The following RSU1 variants were observed in gnomAD, a reference collection of about 807,000 sequenced individuals.
RSU1 encodes the protein rsu-1.
In RSU1, 26 loss-of-function variants were observed where a neutral mutation model predicts 31.1. The ratio of observed to expected loss-of-function variants is 0.84; its 90% CI spans 0.61 to 1.16. RSU1 has a LOEUF of 1.16. Ranked by LOEUF, RSU1 falls within the 50% of genes most tolerant of loss-of-function variation. The pLI, the probability that RSU1 is intolerant of heterozygous loss-of-function variation, is 0.00. For missense variants in RSU1, 320 were observed against 339.1 expected (o/e 0.94, Z 0.44); for synonymous variants, 164 against 136.3 (o/e 1.20, Z -1.41).
chr10:16,663,150 T>C (rs776310829), intron 8 of RSU1, among the ~76,000 whole-genome samples: 31 of 152,130 alleles, frequency 2.0e-4, no homozygotes, highest in Non-Finnish European at 3.5e-4. Flanking sequence ...CAGATCTGTA[T>C]GCGCCATGAG....
intron 7 of RSU1, among the ~76,000 whole-genome samples, chr10:16,734,637 G>T (rs1348805918): frequency 2.0e-5 from 3 of 152,172 alleles, no homozygotes; most frequent in African/African-American, 7.2e-5. Context: ...AAGGTAACTT[G>T]ACTTATTGTT....
At chr10:16,615,704 T>C (rs1181618754) in intron 8 of RSU1, among the ~76,000 whole-genome samples, 1 of 152,146 alleles carries the variant, frequency 6.6e-6, no homozygotes, top group Non-Finnish European at 1.5e-5. Flanking sequence ...GCAATCAAAT[T>C]AGAACTTGGG....
At chr10:16,709,567 C>T (rs190634813) in intron 7 of RSU1, among the ~76,000 whole-genome samples, 5 of 152,286 alleles carry the variant, frequency 3.3e-5, no homozygotes, top group Non-Finnish European at 5.9e-5. Flanking sequence ...TGAGGAATCC[C>T]CACACTGACT....
intron 8 of RSU1, among the ~76,000 whole-genome samples, chr10:16,670,524 C>CAA (rs1207576358): frequency 2.0e-5 from 3 of 152,094 alleles, no homozygotes; most frequent in African/African-American, 7.2e-5. Flanking sequence ...GGTGACTAAT[C>CAA]AAAGCAGGGT....
At chr10:16,791,133 T>G (rs1837903817) in intron 2 of RSU1, among the ~76,000 whole-genome samples, 1 of 151,970 alleles carries the variant, frequency 6.6e-6, no homozygotes, top group Non-Finnish European at 1.5e-5. Context: ...TTCAAGCAAT[T>G]CTCGTGCCAC....
Position 16,782,287 on chromosome 10 carries a change from A to C in RSU1, c.110-203T>G, listed in dbSNP as rs188039597. On this transcript the variant is annotated intron_variant, in intron 2 of 8. Transcript: ENST00000345264. ...AGAAAAGGCATGCAACTAACGGTGC[A>C]ATTAGCTCAGCAAGTTAGAGCTAAT... 2.0e-5 allele frequency among the ~76,000 whole-genome samples: 3 copies of C among 152,346 alleles called. No homozygotes were observed. In the East Asian group the frequency reaches 5.8e-4, roughly 29 times the overall value.
At chr10:16,672,596 G>A (rs971283039) in intron 8 of RSU1, among the ~76,000 whole-genome samples, 2 of 147,764 alleles carry the variant, frequency 1.4e-5, no homozygotes, top group African/African-American at 5.1e-5. Flanking sequence ...TACTTATGCT[G>A]AATGAAAGGA....
intron 7 of RSU1, among the ~76,000 whole-genome samples, chr10:16,728,180 C>T (rs866597608): frequency 1.3e-5 from 2 of 152,198 alleles, no homozygotes; most frequent in Middle Eastern, 3.4e-3. Flanking sequence ...AAATAATGAG[C>T]GAGTGGCCCC....
At chr10:16,707,479 T>G (rs1835930864) in intron 7 of RSU1, among the ~76,000 whole-genome samples, 2 of 152,170 alleles carry the variant, frequency 1.3e-5, no homozygotes, top group African/African-American at 2.4e-5. Flanking sequence ...TGATTACTGA[T>G]GTTGAGCATT....
At chr10:16,769,941 C>A (rs917255668) in intron 3 of RSU1, among the ~76,000 whole-genome samples, 7 of 152,164 alleles carry the variant, frequency 4.6e-5, no homozygotes, top group African/African-American at 1.7e-4. Context: ...ATCACTGTTG[C>A]TTAAGACGGA....
chr10:16,724,898 A>G (rs1047220553), intron 7 of RSU1, among the ~76,000 whole-genome samples: 3 of 152,232 alleles, frequency 2.0e-5, no homozygotes, highest in Non-Finnish European at 2.9e-5. Flanking sequence ...TCAAGAAGCA[A>G]TGTTGAGTGA....
chr10:16,636,003 T>C lies in RSU1; in HGVS notation c.732-42507A>G, dbSNP rs558744762. Among the ~76,000 whole-genome samples, 36 of 152,348 alleles carry C rather than the reference T, an allele frequency of 2.4e-4. 1 individual carries two copies. In the South Asian group the frequency reaches 7.5e-3, roughly 32 times the overall value. The stretch of plus-strand genomic sequence containing the variant: ...GCGCCCTCTCGGTTTTCTTCATGAC[T>C]GGCTGCTCCTCCTCAGTTTCCTGTG... On this transcript the variant is annotated intron_variant, in intron 8 of 8. Transcript: ENST00000345264.
chr10:16,727,509 T>C (rs1449111387), intron 7 of RSU1, among the ~76,000 whole-genome samples: 1 of 152,012 alleles, frequency 6.6e-6, no homozygotes, highest in African/African-American at 2.4e-5. Context: ...TCACGCGAGG[T>C]AACAACGGCT....
At chr10:16,684,850 C>A (rs552307794) in intron 8 of RSU1, among the ~76,000 whole-genome samples, 3 of 152,284 alleles carry the variant, frequency 2.0e-5, no homozygotes, top group East Asian at 1.9e-4. Context: ...CACAAAAAAA[C>A]CCCAAAACTT....
chr10:16,803,948 A>G (rs1838214444), intron 2 of RSU1, among the ~76,000 whole-genome samples: 2 of 152,250 alleles, frequency 1.3e-5, no homozygotes, highest in African/African-American at 4.8e-5. Flanking sequence ...ACAATACCAA[A>G]GGCACAACTT....
intron 8 of RSU1, among the ~76,000 whole-genome samples, chr10:16,632,254 C>T (rs940372392): frequency 2.6e-5 from 4 of 152,084 alleles, no homozygotes; most frequent in Admixed American, 1.3e-4. Context: ...AAGCAATAAA[C>T]GATTTACCAG....
At chr10:16,601,864 C>A (rs536295654) in intron 8 of RSU1, among the ~76,000 whole-genome samples, 24 of 152,220 alleles carry the variant, frequency 1.6e-4, no homozygotes, top group Admixed American at 3.9e-4. Flanking sequence ...GCCTCAGAGT[C>A]CTATATCTTT....
chr10:16,692,638 A>T (rs951511626), intron 8 of RSU1, among the ~76,000 whole-genome samples: 2 of 152,160 alleles, frequency 1.3e-5, no homozygotes, highest in African/African-American at 4.8e-5. Context: ...ACAATTTACA[A>T]AGAAGAAGAT....
chr10:16,679,016 A>T (rs1484008058), intron 8 of RSU1, among the ~76,000 whole-genome samples: 1 of 152,226 alleles, frequency 6.6e-6, no homozygotes, highest in Non-Finnish European at 1.5e-5. Context: ...TTGCACCATA[A>T]GAGTAATGTG....
Sources: allele counts gnomAD v4.1 joint callset (sites outside exome capture counted in the v4.1 genomes callset), GRCh38; gene constraint gnomAD v4.1.1; transcripts MANE v1.5; gene names NCBI Gene and HGNC (gene_info 2026-07-23, HGNC 2026-07-21).